The following NEK4 variants were observed in gnomAD, a reference collection of about 807,000 sequenced individuals.
The protein encoded by NEK4 is NIMA related kinase 4, also known as serine/threonine-protein kinase Nek4.
In NEK4, 86 loss-of-function variants were observed where a neutral mutation model predicts 98.4. The observed-to-expected ratio is 0.87, with a 90% CI of 0.73 to 1.05. The LOEUF is 1.05. NEK4 is among the 50% of genes least tolerant of loss of function. The pLI is 0.00. For synonymous variants in NEK4, 328 were observed against 342.2 expected (o/e 0.96, Z 0.46); for missense variants, 898 against 950.3 (o/e 0.94, Z 0.72).
chr3:52,766,231 T>C lies in NEK4; in HGVS notation c.505A>G (p.Thr169Ala). ...AATTCAGGGCTCATGTAGTAGGGTG[T>C]GCCAATGAGGGTGCTAGCCATGTCA... is the stretch of plus-strand genomic sequence containing the variant. ...HCDMASTLIG[T>A]PYYMSPELFS... is the part of the protein sequence containing the mutation. Residue 169 changes from threonine to alanine, a missense_variant, in exon 3 of 16, where the codon ACA becomes GCA. Physicochemically the swap from Thr to Ala is moderately conservative, Grantham distance 58. Coordinates refer to ENST00000233027, the MANE Select transcript of NEK4 (RefSeq NM_003157.6). 1 of 1,614,152 alleles carries C rather than the reference T, an allele frequency of 6.2e-7. No homozygotes were observed.
chr3:52,760,325 T>TC (rs1335592331), intron 6 of NEK4, among the ~76,000 whole-genome samples: 1 of 152,290 alleles, frequency 6.6e-6, no homozygotes, highest in African/African-American at 2.4e-5. Flanking sequence ...CAAGCGATTC[T>TC]CCTCCCTCAG....
chr3:52,708,784 G>A lies in NEK4; in HGVS notation c.*2993C>T, dbSNP rs2097347373. The A allele has an allele frequency of 6.6e-6, 1 of 152,156 alleles. No individual in the cohort carries two copies. The highest frequency in any genetic ancestry group is 2.4e-5 in the African/African-American group (1 of 41,432). The allele number at this position is 152,156 out of a possible 1,614,324, so 9.4% of individuals were successfully genotyped here. On this transcript the variant is annotated 3_prime_UTR_variant, in exon 16 of 16. Transcript: ENST00000233027. ...TGCAAGCAGTAAAGGTTGTGCAGGT[G>A]ATATTCAGTAACACTGCAGTGTAGC...
At chr3:52,768,262 A>G in intron 2 of NEK4, 76 bp downstream of exon 2, 3 of 1,418,634 alleles carry the variant, frequency 2.1e-6, no homozygotes, top group Non-Finnish European at 2.9e-6. Flanking sequence ...TATCTGAAGA[A>G]AAATTTTCCT....
At chr3:52,756,588 T>C (rs951432563) in intron 6 of NEK4, among the ~76,000 whole-genome samples, 2 of 152,070 alleles carry the variant, frequency 1.3e-5, no homozygotes, top group Non-Finnish European at 2.9e-5. Flanking sequence ...CCTAACACCA[T>C]ATATAAAAAT....
At chr3:52,728,320 G>C (rs1348824668) in intron 15 of NEK4, among the ~76,000 whole-genome samples, 2 of 152,216 alleles carry the variant, frequency 1.3e-5, no homozygotes, top group African/African-American at 2.4e-5. Flanking sequence ...AGGTTACAGA[G>C]AGCCAAAACT....
chr3:52,744,166 T>C (rs1047795268), intron 11 of NEK4, 73 bp downstream of exon 11: 2 of 1,078,788 alleles, frequency 1.9e-6, no homozygotes, highest in Admixed American at 3.4e-5. Flanking sequence ...CCTCTCATAG[T>C]TAGAACCAGT....
intron 1 of NEK4, among the ~76,000 whole-genome samples, chr3:52,770,363 A>G (rs1434682809): frequency 1.2e-5 from 1 of 82,984 alleles, no homozygotes; most frequent in Non-Finnish European, 2.7e-5. Context: ...GCCAATTAGT[A>G]CAACAAAGAA....
intron 5 of NEK4, among the ~76,000 whole-genome samples, chr3:52,762,754 G>A (rs1417212736): frequency 2.0e-5 from 3 of 152,104 alleles, no homozygotes; most frequent in Admixed American, 6.5e-5. Context: ...GGTGGCGGGT[G>A]CCTGTAATCC....
chr3:52,729,194 T>G (rs1333069464), intron 15 of NEK4, among the ~76,000 whole-genome samples: 1 of 152,110 alleles, frequency 6.6e-6, no homozygotes, highest in Non-Finnish European at 1.5e-5. Flanking sequence ...AACTTGCTGG[T>G]TTTAAGGCTC....
intron 15 of NEK4, among the ~76,000 whole-genome samples, chr3:52,725,035 A>G (rs2097363241): frequency 6.6e-6 from 1 of 152,214 alleles, no homozygotes; most frequent in Admixed American, 6.5e-5. Flanking sequence ...TATTATTGTA[A>G]CAATTATTTG....
At chr3:52,745,569 A>G (rs1382744723) in intron 10 of NEK4, among the ~76,000 whole-genome samples, 1 of 148,838 alleles carries the variant, frequency 6.7e-6, no homozygotes, top group Non-Finnish European at 1.5e-5. Flanking sequence ...ACAGAGCGAG[A>G]CTCCACCTCA....
chr3:52,769,384 T>G (rs1698698693), intron 1 of NEK4, among the ~76,000 whole-genome samples: 1 of 152,212 alleles, frequency 6.6e-6, no homozygotes, highest in Non-Finnish European at 1.5e-5. Context: ...GTCACTGATC[T>G]TCAGCATACA....
intron 6 of NEK4, among the ~76,000 whole-genome samples, chr3:52,758,002 CCT>C (rs1698190550): frequency 6.6e-6 from 1 of 151,602 alleles, no homozygotes; most frequent in Non-Finnish European, 1.5e-5. Flanking sequence ...GTGGTGAAAC[CCT>C]GTCTCTACTA....
intron 8 of NEK4, among the ~76,000 whole-genome samples, chr3:52,747,811 T>C (rs1578669720): frequency 6.7e-6 from 1 of 148,268 alleles, no homozygotes; most frequent in Non-Finnish European, 1.5e-5. Context: ...TCAGATGTAG[T>C]GATATGCCAG....
rs993174691 is a variant in NEK4, at chr3:52,710,201, A to G, written c.*1576T>C. The G allele has an allele frequency of 7.7e-6, 1 of 129,988 alleles. No homozygotes were observed. Among genetic ancestry groups the G allele is most frequent in the African/African-American group, 2.5e-5 (1 of 39,246 alleles). The allele number at this position is 129,988 out of a possible 1,614,324, so 8.1% of individuals were successfully genotyped here. A position where few individuals can be genotyped will look rare whatever the true frequency, so the allele number is the denominator to read the frequency against. ...CACGGTGAAACCCTGTCTCTACTAA[A>G]AAAATACAAAAAAATTAGCCGGGCA... is the stretch of plus-strand genomic sequence containing the variant. On this transcript the variant is annotated 3_prime_UTR_variant, in exon 16 of 16. Transcript: ENST00000233027.
At chr3:52,753,157 A>G (rs2097408601) in intron 6 of NEK4, among the ~76,000 whole-genome samples, 2 of 151,916 alleles carry the variant, frequency 1.3e-5, no homozygotes, top group Non-Finnish European at 2.9e-5. Context: ...CCAAAAAATT[A>G]GCTGGGCATG....
chr3:52,727,219 C>A (rs1405532446), intron 15 of NEK4, among the ~76,000 whole-genome samples: 1 of 152,126 alleles, frequency 6.6e-6, no homozygotes, highest in Non-Finnish European at 1.5e-5. Context: ...GGTGATCCAC[C>A]AGCCTCAGCC....
At position 52,735,418 on chromosome 3, in the gene NEK4, T is replaced by C. The variant is rs2097374550; in HGVS notation, c.2433+2168A>G. ...TCACTTGTTTTCTTTTGAAAATACA[T>C]ATGTACTGAGGGTTATTATTTATGT... On this transcript the variant is annotated intron_variant, in intron 15 of 15. Transcript: ENST00000233027. Among the ~76,000 whole-genome samples the C allele has an allele frequency of 3.3e-5, 5 of 152,374 alleles. No homozygotes were observed. The Middle Eastern group carries it at 0.01, about 311-fold the overall frequency.
intron 15 of NEK4, among the ~76,000 whole-genome samples, chr3:52,724,436 T>C (rs1184021090): frequency 2.0e-5 from 3 of 152,164 alleles, no homozygotes; most frequent in African/African-American, 7.2e-5. Flanking sequence ...CCAAGAATAC[T>C]GTATCTGGCA....
Sources: gnomAD v4.1 joint callset for allele counts (sites outside exome capture counted in the v4.1 genomes callset) on GRCh38, gnomAD v4.1.1 for gene constraint, MANE v1.5 for transcripts, NCBI Gene and HGNC (gene_info 2026-07-23, HGNC 2026-07-21) for gene names.